The following VPS13C variants were observed in gnomAD, a reference collection of about 807,000 sequenced individuals.
VPS13C encodes intermembrane lipid transfer protein VPS13C.
In VPS13C, 358 loss-of-function variants were observed where a neutral mutation model predicts 456.8. That is an observed-to-expected ratio of 0.78 (90% confidence interval 0.72 to 0.86). The LOEUF (loss-of-function observed/expected upper bound fraction) is 0.86, where lower values mean the gene tolerates loss of function less well. VPS13C is among the 40% of genes least tolerant of loss of function. The pLI, the probability that VPS13C is intolerant of heterozygous loss-of-function variation, is 0.00. For synonymous variants in VPS13C, 1,578 were observed against 1,486.7 expected, an observed-to-expected ratio of 1.06 and a Z score of -1.41; for missense variants, 4,818 against 4,385.4, an observed-to-expected ratio of 1.10 and a Z score of -2.79.
At position 61,962,857 on chromosome 15, in the gene VPS13C, A is replaced by G; in HGVS notation, c.3332-5T>C. ...GAGAAAGGGAGGAATCCAGTCCTGA[A>G]AAAAAGAGTGTATTATTATAATTTC... On this transcript the variant is annotated splice_polypyrimidine_tract_variant and splice_region_variant and intron_variant, in intron 32 of 84. Transcript: ENST00000644861. The G allele has an allele frequency of 1.3e-6, 2 of 1,568,940 alleles. No individual in the cohort carries two copies. Among genetic ancestry groups the G allele is most frequent in the Non-Finnish European group, 1.7e-6 (2 of 1,146,256 alleles).
rs78339003 is a variant in VPS13C, at chr15:61,949,391, T to C, written c.4759+52A>G. Reference sequence around the variant, plus strand: ...CTTAACTGAAAAAAACAAGTTGTTATATGATTATTAAAGTTCAAAGTATTA... The same window carrying C: ...CTTAACTGAAAAAAACAAGTTGTTACATGATTATTAAAGTTCAAAGTATTA... On this transcript the variant is annotated intron_variant, in intron 42 of 84. Transcript: ENST00000644861. 2,428 of 1,576,288 alleles carry C rather than the reference T, an allele frequency of 1.5e-3. 31 individuals carry two copies. The African/African-American group carries it at 0.029, about 19-fold the overall frequency.
chr15:61,882,243 A>G (rs1302020849), intron 69 of VPS13C, among the ~76,000 whole-genome samples: 1 of 152,162 alleles, frequency 6.6e-6, no homozygotes, highest in Admixed American at 6.6e-5. Flanking sequence ...GCTGGGAGAG[A>G]GCAAGCAAGC....
chr15:62,041,463 AAAAC>A (rs1403886700), intron 2 of VPS13C, 97 bp from the exon 3 acceptor site: 4 of 1,190,932 alleles, frequency 3.4e-6, no homozygotes, highest in African/African-American at 1.6e-5. Context: ...TGTCCAAAGA[AAAAC>A]AAAAACCAAA....
At chr15:61,922,265 T>A in intron 54 of VPS13C, 132 bp downstream of exon 54, 1 of 1,231,434 alleles carries the variant, frequency 8.1e-7, no homozygotes, top group Non-Finnish European at 1.1e-6. Flanking sequence ...ATCGACAAAT[T>A]AAATGTCAGA....
At chr15:61,872,681 G>A (rs966035169) in intron 78 of VPS13C, among the ~76,000 whole-genome samples, 3 of 151,936 alleles carry the variant, frequency 2.0e-5, no homozygotes, top group Non-Finnish European at 4.4e-5. Context: ...AGAACTGATG[G>A]ATACACACTT....
intron 66 of VPS13C, among the ~76,000 whole-genome samples, chr15:61,893,896 A>C (rs1395295801): frequency 6.6e-6 from 1 of 152,122 alleles, no homozygotes; most frequent in African/African-American, 2.4e-5. Flanking sequence ...AGCAAAATCC[A>C]ATAATAAATA....
At position 61,907,281 on chromosome 15, in the gene VPS13C, C is replaced by T; in HGVS notation, c.9088G>A (p.Glu3030Lys). Residue 3030 changes from glutamate (E) to lysine (K), a missense_variant, in exon 66 of 85, where the codon GAA (glutamate) becomes AAA (lysine). Glu to Lys is a moderately conservative substitution (Grantham distance 56, BLOSUM62 1). Transcript: ENST00000644861. ...LTWTYAANVG[E>K]HDLLKDGCGQ... ...AAAGATACCTTTAACAGATCATGTT[C>T]CCCAACATTTGCTGCATATGTCCAT... 1 of 1,613,932 alleles carries T rather than the reference C, an allele frequency of 6.2e-7. No individual in the cohort carries two copies. Among genetic ancestry groups the T allele is most frequent in the Non-Finnish European group, 8.5e-7 (1 of 1,179,816 alleles).
At chr15:62,054,653 G>A (rs145656440) in intron 1 of VPS13C, among the ~76,000 whole-genome samples, 35 of 151,958 alleles carry the variant, frequency 2.3e-4, no homozygotes, top group African/African-American at 8.4e-4. Flanking sequence ...GTTGATAGGT[G>A]CAGCAAACCA....
chr15:61,957,629 C>G (rs922669472), intron 37 of VPS13C, among the ~76,000 whole-genome samples: 1 of 152,080 alleles, frequency 6.6e-6, no homozygotes, highest in Admixed American at 6.6e-5. Flanking sequence ...TCGGCAAGAT[C>G]TGTCAAAATC....
intron 48 of VPS13C, among the ~76,000 whole-genome samples, chr15:61,936,205 T>C (rs952074643): frequency 1.3e-5 from 2 of 152,198 alleles, no homozygotes; most frequent in African/African-American, 2.4e-5. Context: ...ATAAAGCTGT[T>C]ACAAGAATAC....
intron 74 of VPS13C, among the ~76,000 whole-genome samples, chr15:61,878,063 T>A (rs1895584139): frequency 6.6e-6 from 1 of 151,952 alleles, no homozygotes; most frequent in South Asian, 2.1e-4. Context: ...TTTCCACTGC[T>A]TTTAAACTTA....
Position 61,951,945 on chromosome 15 carries a change from T to G in VPS13C, c.4335A>C (p.Lys1445Asn), listed in dbSNP as rs751384027. 1 of 1,613,398 alleles carries G rather than the reference T, an allele frequency of 6.2e-7. No homozygotes were observed. The highest frequency in any genetic ancestry group is 1.1e-5 in the South Asian group (1 of 90,900). ...VVTLMKKSEK[K>N]GRPLHELNVL... ...CATTTAGCTCATGTAAAGGCCTTCC[T>G]TTCTTTTCTGATTTTTTCATCAAAG... Residue 1445 changes from lysine (K) to asparagine (N), a missense_variant, in exon 39 of 85, where the codon AAA (lysine) becomes AAC (asparagine). Coordinates refer to ENST00000644861, the MANE Select transcript of VPS13C (RefSeq NM_020821.3).
chr15:61,943,715 T>C (rs2044509704), intron 45 of VPS13C, among the ~76,000 whole-genome samples: 1 of 152,090 alleles, frequency 6.6e-6, no homozygotes, highest in South Asian at 2.1e-4. Flanking sequence ...AACACCATTC[T>C]AGATATCGGC....
chr15:62,052,772 C>A (rs2048667167), intron 1 of VPS13C, among the ~76,000 whole-genome samples: 1 of 151,716 alleles, frequency 6.6e-6, no homozygotes, highest in South Asian at 2.1e-4. Context: ...ATCTAGACTC[C>A]TTTTAATGAG....
chr15:61,865,557 T>C (rs1452158740), intron 81 of VPS13C: 2 of 858,764 alleles, frequency 2.3e-6, no homozygotes, highest in East Asian at 2.4e-4. Context: ...TGTGTAAATA[T>C]GTGTATGTTT....
intron 19 of VPS13C, 111 bp from the exon 20 acceptor site, chr15:61,984,123 G>A (rs745846361): frequency 6.3e-6 from 6 of 945,626 alleles, no homozygotes; most frequent in African/African-American, 1.7e-5. Context: ...GACCATCCAT[G>A]CACATTATCC....
intron 51 of VPS13C, among the ~76,000 whole-genome samples, chr15:61,929,173 T>A (rs1420450147): frequency 6.6e-6 from 1 of 152,110 alleles, no homozygotes; most frequent in African/African-American, 2.4e-5. Flanking sequence ...GTGCTAGAAT[T>A]CTCAACATGT....
chr15:61,940,128 A>G (rs2044369160), intron 47 of VPS13C, among the ~76,000 whole-genome samples: 1 of 152,234 alleles, frequency 6.6e-6, no homozygotes, highest in Admixed American at 6.5e-5. Flanking sequence ...TGCTTATCAA[A>G]TATACACATT....
intron 1 of VPS13C, among the ~76,000 whole-genome samples, chr15:62,054,530 A>G (rs2048725998): frequency 6.6e-6 from 1 of 152,196 alleles, no homozygotes; most frequent in Non-Finnish European, 1.5e-5. Flanking sequence ...ATGACAACAC[A>G]TGGACACAGG....
Sources: allele counts gnomAD v4.1 joint callset (sites outside exome capture counted in the v4.1 genomes callset), GRCh38; gene constraint gnomAD v4.1.1; transcripts MANE v1.5; gene names NCBI Gene and HGNC (gene_info 2026-07-23, HGNC 2026-07-21).